TOX: variants seen among roughly 807,000 people sequenced by gnomAD.
TOX encodes thymocyte selection-associated high mobility group box protein TOX.
A neutral mutation model predicts 53.7 loss-of-function variants in TOX; 11 were observed. The ratio of observed to expected loss-of-function variants is 0.20; its 90% CI spans 0.13 to 0.34. TOX has a LOEUF of 0.34. Among genes scored for constraint, TOX ranks in the 10% least tolerant of loss-of-function variants. TOX has a pLI of 1.00. For synonymous variants in TOX, 225 were observed against 245.3 expected (o/e 0.92, Z 0.77); for missense variants, 570 against 664.6 (o/e 0.86, Z 1.56).
At chr8:59,078,215 T>C (rs1202033857) in intron 1 of TOX, among the ~76,000 whole-genome samples, 1 of 152,174 alleles carries the variant, frequency 6.6e-6, no homozygotes, top group Non-Finnish European at 1.5e-5. Flanking sequence ...GCAGTCACTG[T>C]CTCTGCAGTC....
intron 3 of TOX, among the ~76,000 whole-genome samples, chr8:58,934,720 G>T (rs78199171): frequency 1.8e-4 from 27 of 152,264 alleles, no homozygotes; most frequent in Non-Finnish European, 2.8e-4. Context: ...AACTCTTTTG[G>T]AAAGTCTTCC....
intron 3 of TOX, among the ~76,000 whole-genome samples, chr8:58,909,901 G>C (rs1474097465): frequency 6.6e-6 from 1 of 152,072 alleles, no homozygotes; most frequent in African/African-American, 2.4e-5. Context: ...CAGGTGATCT[G>C]CCTGCCTTGG....
At chr8:58,991,725 G>C (rs1345749154) in intron 1 of TOX, 7 of 152,158 alleles carry the variant, frequency 4.6e-5, no homozygotes, top group African/African-American at 1.4e-4. Flanking sequence ...CAATACTCAG[G>C]CTTGTTGGCA....
At chr8:59,072,459 G>A (rs371029374) in intron 1 of TOX, among the ~76,000 whole-genome samples, 267 of 152,300 alleles carry the variant, frequency 1.8e-3, no homozygotes, top group African/African-American at 6.2e-3. Context: ...AAGAATAAGA[G>A]CTGAGGAAAC....
At chr8:58,884,231 G>A (rs1811432082) in intron 3 of TOX, among the ~76,000 whole-genome samples, 2 of 152,126 alleles carry the variant, frequency 1.3e-5, no homozygotes, top group African/African-American at 4.8e-5. Context: ...TTTGAAAGCT[G>A]ACAACAATCC....
chr8:58,961,067 A>G (rs1812788790), intron 1 of TOX, among the ~76,000 whole-genome samples: 1 of 152,232 alleles, frequency 6.6e-6, no homozygotes, highest in African/African-American at 2.4e-5. Flanking sequence ...TATTATGGAC[A>G]TACTTCATAT....
chr8:58,892,850 T>C (rs1380248500), intron 3 of TOX, among the ~76,000 whole-genome samples: 1 of 152,178 alleles, frequency 6.6e-6, no homozygotes, highest in African/African-American at 2.4e-5. Context: ...TTTACTTAAC[T>C]GGAGCTCCCT....
intron 3 of TOX, among the ~76,000 whole-genome samples, chr8:58,873,052 T>C (rs914188585): frequency 6.6e-6 from 1 of 152,170 alleles, no homozygotes; most frequent in African/African-American, 2.4e-5. Flanking sequence ...GCCCCAGTTT[T>C]ACTCCCAATA....
intron 1 of TOX, among the ~76,000 whole-genome samples, chr8:59,005,108 G>A (rs1459783901): frequency 2.0e-5 from 3 of 151,398 alleles, no homozygotes; most frequent in Admixed American, 6.6e-5. Context: ...GCACGATCTC[G>A]GCTCACTGCA....
chr8:58,910,139 AG>A (rs2129173805), intron 3 of TOX, among the ~76,000 whole-genome samples: 1 of 152,340 alleles, frequency 6.6e-6, no homozygotes, highest in Admixed American at 6.5e-5. Context: ...AATTTGAATC[AG>A]GAACTTTTGA....
At chr8:59,104,608 T>C (rs1804863999) in intron 1 of TOX, among the ~76,000 whole-genome samples, 1 of 152,212 alleles carries the variant, frequency 6.6e-6, no homozygotes, top group African/African-American at 2.4e-5. Context: ...GCTTAATATG[T>C]AGGTCAAGAA....
intron 1 of TOX, among the ~76,000 whole-genome samples, chr8:59,007,213 GC>G (rs914212674): frequency 1.7e-5 from 2 of 115,698 alleles, no homozygotes; most frequent in African/African-American, 5.4e-5. Flanking sequence ...AAAATAAGGG[GC>G]TGTCATCTTT....
At chr8:59,105,070 T>G (rs2129424608) in intron 1 of TOX, among the ~76,000 whole-genome samples, 1 of 152,318 alleles carries the variant, frequency 6.6e-6, no homozygotes, top group South Asian at 2.1e-4. Flanking sequence ...GAATTAAGTG[T>G]CCCTTATTAA....
chr8:58,985,090 C>T (rs1046461923), intron 1 of TOX, among the ~76,000 whole-genome samples: 1 of 148,906 alleles, frequency 6.7e-6, no homozygotes, highest in Non-Finnish European at 1.5e-5. Context: ...TATGTTATAA[C>T]TATCTATATA....
rs554346979 is a variant in TOX at position 58,850,540 on chromosome 8, T to A, written c.693+984A>T. 3.3e-5 allele frequency among the ~76,000 whole-genome samples: 5 copies of A among 152,252 alleles called. No homozygotes were observed. The East Asian group carries it at 9.7e-4, about 29-fold the overall frequency. ...ATGTAGGGTAGAGGGAATACTGGCTTCATATGTGAGAGTTTTTAAAGGAGA... is the reference window on the plus strand; with the variant it reads ...ATGTAGGGTAGAGGGAATACTGGCTACATATGTGAGAGTTTTTAAAGGAGA... On this transcript the variant is annotated intron_variant, in intron 4 of 8. Transcript: ENST00000361421.
chr8:59,034,519 T>G (rs1814419110), intron 1 of TOX, among the ~76,000 whole-genome samples: 1 of 151,174 alleles, frequency 6.6e-6, no homozygotes, highest in Non-Finnish European at 1.5e-5. Flanking sequence ...CACAACTTCC[T>G]ATCTCCTTTA....
At chr8:58,837,791 A>G (rs1029608811) in intron 5 of TOX, among the ~76,000 whole-genome samples, 7 of 152,298 alleles carry the variant, frequency 4.6e-5, no homozygotes, top group Non-Finnish European at 8.8e-5. Flanking sequence ...TTATGTTCAC[A>G]TTGGCAACAT....
chr8:58,846,183 C>T (rs1810716105), intron 4 of TOX, among the ~76,000 whole-genome samples: 1 of 151,964 alleles, frequency 6.6e-6, no homozygotes, highest in Non-Finnish European at 1.5e-5. Context: ...ATCATTTTCT[C>T]CTGAACTAGT....
intron 3 of TOX, among the ~76,000 whole-genome samples, chr8:58,898,002 C>T (rs1453991769): frequency 6.6e-6 from 1 of 152,094 alleles, no homozygotes; most frequent in African/African-American, 2.4e-5. Flanking sequence ...TAAACTATAG[C>T]AATATCATAA....
Sources: allele counts gnomAD v4.1 joint callset (sites outside exome capture counted in the v4.1 genomes callset), GRCh38; gene constraint gnomAD v4.1.1; transcripts MANE v1.5; gene names NCBI Gene and HGNC (gene_info 2026-07-23, HGNC 2026-07-21).